The following CFTR variants were observed in gnomAD, a reference collection of about 807,000 sequenced individuals.
CFTR encodes CF transmembrane conductance regulator, also known as cystic fibrosis transmembrane conductance regulator.
Under a neutral mutation model 171.6 loss-of-function variants are expected in CFTR, and 181 were observed. The observed-to-expected ratio is 1.05, with a 90% CI of 0.93 to 1.19. The LOEUF is 1.19. Ranked by LOEUF, CFTR falls within the 50% of genes most tolerant of loss-of-function variation. The pLI, the probability that CFTR is intolerant of heterozygous loss-of-function variation, is 0.00. For synonymous variants in CFTR, 583 were observed against 608.0 expected, an observed-to-expected ratio of 0.96 and a Z score of 0.60; for missense variants, 1,968 against 1,734.7, an observed-to-expected ratio of 1.13 and a Z score of -2.39.
chr7:117,579,755 A>G (rs1791824133), intron 11 of CFTR, among the ~76,000 whole-genome samples: 1 of 151,590 alleles, frequency 6.6e-6, no homozygotes, highest in Admixed American at 6.6e-5. Flanking sequence ...AACCAAACAG[A>G]AAAGCCAGAA....
chr7:117,608,350 G>A (rs1462212036), intron 18 of CFTR, among the ~76,000 whole-genome samples: 3 of 152,026 alleles, frequency 2.0e-5, no homozygotes, highest in African/African-American at 4.8e-5. Flanking sequence ...GATTACAGGC[G>A]CGCACCACCA....
At chr7:117,518,257 A>T (rs183278609) in intron 3 of CFTR, among the ~76,000 whole-genome samples, 60 of 148,772 alleles carry the variant, frequency 4.0e-4, no homozygotes, top group African/African-American at 1.4e-3. Flanking sequence ...CTATATATAT[A>T]TGTCACATAT....
intron 1 of CFTR, among the ~76,000 whole-genome samples, chr7:117,497,458 C>G (rs1057188716): frequency 6.6e-6 from 1 of 152,108 alleles, no homozygotes; most frequent in African/African-American, 2.4e-5. Context: ...CTCTCATGAA[C>G]ATCAGGAATA....
At chr7:117,582,772 T>G (rs1332266276) in intron 11 of CFTR, among the ~76,000 whole-genome samples, 4 of 152,160 alleles carry the variant, frequency 2.6e-5, no homozygotes, top group African/African-American at 9.7e-5. Context: ...ATTCCTTCCC[T>G]AAATCCCTCA....
chr7:117,497,651 G>T (rs947660049), intron 1 of CFTR, among the ~76,000 whole-genome samples: 1 of 152,080 alleles, frequency 6.6e-6, no homozygotes, highest in Admixed American at 6.5e-5. Flanking sequence ...CAGGTGACTG[G>T]GGATTCGTAT....
intron 21 of CFTR, among the ~76,000 whole-genome samples, chr7:117,626,276 C>T (rs1792648394): frequency 6.6e-6 from 1 of 152,068 alleles, no homozygotes; most frequent in Non-Finnish European, 1.5e-5. Flanking sequence ...CTGCTTTATC[C>T]ACCAATCATT....
intron 22 of CFTR, among the ~76,000 whole-genome samples, chr7:117,636,073 T>G (rs1291705743): frequency 6.6e-6 from 1 of 152,142 alleles, no homozygotes; most frequent in Non-Finnish European, 1.5e-5. Flanking sequence ...TTTTCCCCAA[T>G]TTTTGTTTGT....
chr7:117,626,468 C>A (rs1792651607), intron 21 of CFTR, among the ~76,000 whole-genome samples: 1 of 151,932 alleles, frequency 6.6e-6, no homozygotes, highest in South Asian at 2.1e-4. Flanking sequence ...AAGTTTTTGA[C>A]TGAATAAAGC....
chr7:117,666,667 C>A (rs1220772333), intron 26 of CFTR, among the ~76,000 whole-genome samples: 1 of 152,158 alleles, frequency 6.6e-6, no homozygotes, highest in Non-Finnish European at 1.5e-5. Flanking sequence ...TTCTACTAAA[C>A]CTCCCTGAAG....
intron 24 of CFTR, among the ~76,000 whole-genome samples, chr7:117,656,469 T>C (rs903113922): frequency 3.9e-5 from 6 of 152,092 alleles, no homozygotes; most frequent in Non-Finnish European, 7.4e-5. Flanking sequence ...ATATAGGAAA[T>C]ATATTAACTA....
intron 23 of CFTR, among the ~76,000 whole-genome samples, chr7:117,645,923 AT>A (rs577432164): frequency 8.5e-5 from 13 of 152,146 alleles, no homozygotes; most frequent in Non-Finnish European, 1.8e-4. Flanking sequence ...GATAAAACAG[AT>A]TTTTTCTTAC....
At chr7:117,561,256 A>G (rs1799459144) in intron 11 of CFTR, among the ~76,000 whole-genome samples, 1 of 152,110 alleles carries the variant, frequency 6.6e-6, no homozygotes, top group African/African-American at 2.4e-5. Context: ...TATGTGAATC[A>G]TATATCAATA....
chr7:117,536,727 A>T (rs1798965756), intron 7 of CFTR, 54 bp downstream of exon 7: 5 of 1,461,472 alleles, frequency 3.4e-6, no homozygotes, highest in African/African-American at 1.4e-5. Context: ...TTAATTTTTT[A>T]AAAATATGTT....
chr7:117,612,301 C>G (rs1792421093), intron 20 of CFTR, among the ~76,000 whole-genome samples: 1 of 149,186 alleles, frequency 6.7e-6, no homozygotes, highest in African/African-American at 2.5e-5. Flanking sequence ...TTTTAAATCT[C>G]TACTAGATAA....
intron 3 of CFTR, among the ~76,000 whole-genome samples, chr7:117,518,331 CAT>C (rs562191230): frequency 0.015 from 2,187 of 145,026 alleles, 53 homozygotes; most frequent in African/African-American, 0.052. Flanking sequence ...TTGTATATAA[CAT>C]ATGTTATATA....
intron 10 of CFTR, among the ~76,000 whole-genome samples, chr7:117,557,013 TTTG>T (rs1198541267): frequency 6.6e-6 from 1 of 152,212 alleles, no homozygotes; most frequent in African/African-American, 2.4e-5. Context: ...TCTTCGCTTT[TTTG>T]TTGTTTTTCT....
intron 24 of CFTR, among the ~76,000 whole-genome samples, chr7:117,660,039 T>G (rs1387560739): frequency 6.6e-6 from 1 of 152,178 alleles, no homozygotes; most frequent in Admixed American, 6.5e-5. Context: ...CATTTTTTTT[T>G]TTTTAGTTTA....
At chr7:117,511,096 G>A (rs1798510562) in intron 3 of CFTR, among the ~76,000 whole-genome samples, 1 of 152,088 alleles carries the variant, frequency 6.6e-6, no homozygotes. Context: ...ACAGAATGGT[G>A]ACTCTAGTAA....
rs996692713 is a variant in CFTR at position 117,530,433 on chromosome 7, C to T, written c.274-466C>T. On this transcript the variant is annotated intron_variant, in intron 3 of 26. Coordinates refer to ENST00000003084, the MANE Select transcript of CFTR (RefSeq NM_000492.4). Reference sequence around the variant, plus strand: ...TTGAAATTACATCAGGTCACTTGGTCTGTGTGGCCTCAGTTTCTTCATCTG... The same window carrying T: ...TTGAAATTACATCAGGTCACTTGGTTTGTGTGGCCTCAGTTTCTTCATCTG... 2.6e-5 allele frequency among the ~76,000 whole-genome samples: 4 copies of T among 152,052 alleles called. No homozygotes were observed. In the South Asian group the frequency reaches 8.3e-4, roughly 31 times the overall value.
Sources: gnomAD v4.1 joint callset for allele counts (sites outside exome capture counted in the v4.1 genomes callset) on GRCh38, gnomAD v4.1.1 for gene constraint, MANE v1.5 for transcripts, NCBI Gene and HGNC (gene_info 2026-07-23, HGNC 2026-07-21) for gene names.